Variants in BRSK1 observed in about 807,000 individuals in gnomAD.
BRSK1 encodes the protein serine/threonine-protein kinase BRSK1.
BRSK1 carries 17 observed loss-of-function variants against 86.2 expected under a neutral mutation model. That is an observed-to-expected ratio of 0.20 (90% CI 0.14 to 0.30). The LOEUF is 0.30. Among genes scored for constraint, BRSK1 ranks in the 10% least tolerant of loss-of-function variants. The probability of loss-of-function intolerance (pLI) is 1.00; values close to 1 mark genes in which losing one functional copy is unlikely to be tolerated. For synonymous variants in BRSK1, 464 were observed against 440.1 expected, an observed-to-expected ratio of 1.05 and a Z score of -0.68; for missense variants, 719 against 1,071.9, an observed-to-expected ratio of 0.67 and a Z score of 4.60.
chr19:55,286,686 G>A (rs1323765691), intron 1 of BRSK1, among the ~76,000 whole-genome samples: 1 of 150,198 alleles, frequency 6.7e-6, no homozygotes, highest in East Asian at 1.9e-4. Context: ...GACAGACTCG[G>A]GGAGACACGG....
chr19:55,305,520 A>G lies in BRSK1; in HGVS notation c.1824A>G (p.Ile608Met), dbSNP rs1280412692. Reference sequence around the variant, plus strand: ...TCTCCTTGGACAAAGAAGAACAAATATTCCTCGTGCTAAAGGACAAACCTC... The same window carrying G: ...TCTCCTTGGACAAAGAAGAACAAATGTTCCTCGTGCTAAAGGACAAACCTC... Reference protein sequence around the residue: ...NFISLDKEEQIFLVLKDKPLS... With the variant: ...NFISLDKEEQMFLVLKDKPLS... The change falls in exon 16 of 19, where the codon ATA (isoleucine) becomes ATG (methionine). Residue 608 changes from isoleucine to methionine, a missense_variant. Ile to Met is a conservative substitution (Grantham distance 10). Coordinates refer to ENST00000309383, the MANE Select transcript of BRSK1 (RefSeq NM_032430.2). 1.2e-6 allele frequency: 2 copies of G among 1,614,014 alleles called. No individual in the cohort carries two copies. Among genetic ancestry groups the G allele is most frequent in the African/African-American group, 2.7e-5 (2 of 74,878 alleles).
Position 55,303,100 on chromosome 19 carries a change from C to T in BRSK1, c.1029-211C>T, listed in dbSNP as rs1600186656. 3 of 636,286 alleles carry T rather than the reference C, an allele frequency of 4.7e-6. No homozygotes were observed. In the African/African-American group the frequency reaches 5.5e-5, roughly 12 times the overall value. 39.4% of individuals were successfully genotyped at this position (636,286 alleles called of 1,614,324 possible). A position where few individuals can be genotyped will look rare whatever the true frequency, so the allele number is the denominator to read the frequency against. On this transcript the variant is annotated intron_variant, in intron 10 of 18. Transcript: ENST00000309383. The surrounding 1 kb of genome is among the most constrained non-coding windows in gnomAD (Gnocchi z 5.1). ...ATATACATAGTACTTACAAATAGTT[C>T]TTGCCTGGATGTTAGGTGTTACAGT...
chr19:55,307,757 CACA>C (rs2088678582), intron 17 of BRSK1, among the ~76,000 whole-genome samples: 1 of 113,218 alleles, frequency 8.8e-6, no homozygotes, highest in African/African-American at 3.4e-5. Flanking sequence ...TACACACACA[CACA>C]CACACACACA....
At position 55,310,582 on chromosome 19, in the gene BRSK1, AT is replaced by A. The variant is rs35931424; in HGVS notation, c.2180-1324del. ...GGGACATTTAGTAATGTCTGGAGACATTTTTCCTCCCCTCAACTGGGGAAAA... is the reference window on the plus strand; with the variant it reads ...GGGACATTTAGTAATGTCTGGAGACATTTTCCTCCCCTCAACTGGGGAAAA... On this transcript the variant is annotated intron_variant, in intron 18 of 18. Transcript: ENST00000309383. The surrounding 1 kb of genome is among the most constrained non-coding windows in gnomAD (Gnocchi z 5.0). Among the ~76,000 whole-genome samples the A allele has an allele frequency of 9.9e-4, 150 of 152,002 alleles. 1 individual carries two copies. The highest frequency in any genetic ancestry group is 3.4e-3 in the African/African-American group (140 of 41,450).
At chr19:55,291,783 C>T (rs1234975342) in intron 4 of BRSK1, among the ~76,000 whole-genome samples, 5 of 152,136 alleles carry the variant, frequency 3.3e-5, no homozygotes, top group Admixed American at 2.6e-4. Flanking sequence ...TTTTTTGAGA[C>T]GGAGTCTCGC....
rs550413555 is a variant in BRSK1 at position 55,304,522 on chromosome 19, C to T, written c.1348-29C>T. The T allele has an allele frequency of 3.3e-6, 5 of 1,521,598 alleles. No individual in the cohort carries two copies. In the South Asian group the frequency reaches 5.2e-5, roughly 16 times the overall value. 94.3% of individuals were successfully genotyped at this position (1,521,598 alleles called of 1,614,324 possible). Reference sequence around the variant, plus strand: ...AGCCTCCTGGGAGTTGTAGTCCACTCGCTTATCTCAGTCTCCTGTCCTCTG... The same window carrying T: ...AGCCTCCTGGGAGTTGTAGTCCACTTGCTTATCTCAGTCTCCTGTCCTCTG... On this transcript the variant is annotated intron_variant, in intron 13 of 18. Transcript: ENST00000309383. This position sits in a 1 kb window ranked among gnomAD's most constrained non-coding sequence, Gnocchi z 5.2.
At chr19:55,311,087 G>A (rs539014796) in intron 18 of BRSK1, among the ~76,000 whole-genome samples, 104 of 152,190 alleles carry the variant, frequency 6.8e-4, no homozygotes, top group African/African-American at 2.3e-3. Flanking sequence ...TCAGCCTGTC[G>A]AGTAGCTGGG....
intron 16 of BRSK1, 100 bp downstream of exon 16, chr19:55,305,686 G>T: frequency 6.5e-7 from 1 of 1,530,704 alleles, no homozygotes; most frequent in East Asian, 2.3e-5. Flanking sequence ...GCTTCCTCCT[G>T]GGGCTCATGG....
At chr19:55,309,428 C>T (rs2088731367) in intron 18 of BRSK1, among the ~76,000 whole-genome samples, 1 of 152,166 alleles carries the variant, frequency 6.6e-6, no homozygotes, top group Non-Finnish European at 1.5e-5. Context: ...TAAGAAAATA[C>T]CATACACTGG....
Position 55,304,534 on chromosome 19 carries a change from T to G in BRSK1, c.1348-17T>G, listed in dbSNP as rs777095721. The stretch of plus-strand genomic sequence containing the variant: ...GTTGTAGTCCACTCGCTTATCTCAG[T>G]CTCCTGTCCTCTGCAGAGTCCGGTC... On this transcript the variant is annotated splice_polypyrimidine_tract_variant and intron_variant, in intron 13 of 18. Coordinates refer to ENST00000309383, the MANE Select transcript of BRSK1 (RefSeq NM_032430.2). This position sits in a 1 kb window ranked among gnomAD's most constrained non-coding sequence, Gnocchi z 5.2. 1 of 1,541,486 alleles carries G rather than the reference T, an allele frequency of 6.5e-7. No homozygotes were observed. Among genetic ancestry groups the G allele is most frequent in the Non-Finnish European group, 8.7e-7 (1 of 1,150,772 alleles).
At position 55,284,263 on chromosome 19, in the gene BRSK1, C is replaced by A. The variant is rs1474279423; in HGVS notation, c.-180C>A. On this transcript the variant is annotated 5_prime_UTR_variant, in exon 1 of 19. Coordinates refer to ENST00000309383, the MANE Select transcript of BRSK1 (RefSeq NM_032430.2). ...TGACCCCCCCGGGCCAGCCCCCCCT[C>A]CCCCAGCTCCGCGGCCCGCCGACTG... 1.3e-5 allele frequency: 6 copies of A among 474,880 alleles called. No homozygotes were observed. The highest frequency in any genetic ancestry group is 2.0e-5 in the Non-Finnish European group (6 of 302,234). The allele number at this position is 474,880 out of a possible 1,614,324, so 29.4% of individuals were successfully genotyped here. A position where few individuals can be genotyped will look rare whatever the true frequency, so the allele number is the denominator to read the frequency against.
In BRSK1 at chr19:55,305,616, GC is replaced by G. The variant is rs771810668; in HGVS notation, c.1890+35del. The G allele has an allele frequency of 9.9e-6, 16 of 1,613,154 alleles. No homozygotes were observed. The African/African-American group carries it at 2.0e-4, about 20-fold the overall frequency. ...GGGGCCTGGGTCCCCATCGAGCCTG[GC>G]CCCCGCAGAACTACAAGTCCCAGCA... On this transcript the variant is annotated intron_variant, in intron 16 of 18. Coordinates refer to ENST00000309383, the MANE Select transcript of BRSK1 (RefSeq NM_032430.2).
chr19:55,288,881 G>T (rs2088363547), intron 3 of BRSK1, among the ~76,000 whole-genome samples: 1 of 152,176 alleles, frequency 6.6e-6, no homozygotes, highest in African/African-American at 2.4e-5. Flanking sequence ...CACCGTGTCT[G>T]GCCAGAAGTG....
rs1180835500 is a variant in BRSK1 at position 55,307,745 on chromosome 19, TATAC to T, written c.2090-892_2090-889del. On this transcript the variant is annotated intron_variant, in intron 17 of 18. Coordinates refer to ENST00000309383, the MANE Select transcript of BRSK1 (RefSeq NM_032430.2). Reference sequence around the variant, plus strand: ...TCTCTACAAAACAAACAAAAAAATTTATACACACACACACACACACACACACACA... The same window carrying T: ...TCTCTACAAAACAAACAAAAAAATTTACACACACACACACACACACACACA... Among the ~76,000 whole-genome samples the T allele has an allele frequency of 6.8e-3, 358 of 52,688 alleles. 3 individuals are homozygous for T. The highest frequency in any genetic ancestry group is 9.2e-3 in the Non-Finnish European group (272 of 29,592). 34.6% of individuals were successfully genotyped at this position (52,688 alleles called of 152,430 possible).
At chr19:55,293,209 A>C (rs2088434535) in intron 4 of BRSK1, among the ~76,000 whole-genome samples, 2 of 151,756 alleles carry the variant, frequency 1.3e-5, no homozygotes, top group Non-Finnish European at 2.9e-5. Context: ...AAAATACAAA[A>C]ATTAGGCCTG....
chr19:55,301,709 A>G (rs1166284588), intron 8 of BRSK1, 51 bp downstream of exon 8: 1 of 1,576,592 alleles, frequency 6.3e-7, no homozygotes, highest in Non-Finnish European at 8.6e-7. Context: ...CGATGAAGAC[A>G]GAACCCCCTA....
chr19:55,310,028 C>G lies in BRSK1; in HGVS notation c.2179+1300C>G, dbSNP rs2088748217. 6.6e-6 allele frequency among the ~76,000 whole-genome samples: 1 copy of G among 152,200 alleles called. No homozygotes were observed. The highest frequency in any genetic ancestry group is 1.5e-5 in the Non-Finnish European group (1 of 68,036). On this transcript the variant is annotated intron_variant, in intron 18 of 18. Transcript: ENST00000309383. The surrounding 1 kb of genome is among the most constrained non-coding windows in gnomAD (Gnocchi z 5.0). ...GGCCAGGAGCCAGGGCAGCTTTGGC[C>G]TTGTCACCAGAAACTCTGAGTCCCA...
rs2088336093 is a variant in BRSK1, at chr19:55,287,473, A to C, written c.317+174A>C. ...ACAGGGAAGCCCCTGACACACAGGGAACCCCACTGTTGTCACGCTGTGTTG... is the reference window on the plus strand; with the variant it reads ...ACAGGGAAGCCCCTGACACACAGGGCACCCCACTGTTGTCACGCTGTGTTG... On this transcript the variant is annotated intron_variant, in intron 3 of 18. Coordinates refer to ENST00000309383, the MANE Select transcript of BRSK1 (RefSeq NM_032430.2). This position sits in a 1 kb window ranked among gnomAD's most constrained non-coding sequence, Gnocchi z 5.3. 6.6e-6 allele frequency among the ~76,000 whole-genome samples: 1 copy of C among 152,130 alleles called. No homozygotes were observed. Among genetic ancestry groups the C allele is most frequent in the South Asian group, 2.1e-4 (1 of 4,830 alleles).
intron 7 of BRSK1, among the ~76,000 whole-genome samples, chr19:55,297,545 A>C (rs1361417497): frequency 6.6e-6 from 1 of 152,214 alleles, no homozygotes; most frequent in Non-Finnish European, 1.5e-5. Context: ...AAGGGCAATG[A>C]GGCCAGCTCC....
Sources: gnomAD v4.1 joint callset for allele counts (sites outside exome capture counted in the v4.1 genomes callset) on GRCh38, gnomAD v4.1.1 for gene constraint, Gnocchi (gnomAD v3.1) non-coding constraint, MANE v1.5 for transcripts, NCBI Gene and HGNC (gene_info 2026-07-23, HGNC 2026-07-21) for gene names.